The following AKAP6 variants were observed in gnomAD, a reference collection of about 807,000 sequenced individuals.
AKAP6 encodes the protein A-kinase anchor protein 6.
In AKAP6, 58 loss-of-function variants were observed where a neutral mutation model predicts 188.5. That is an observed-to-expected ratio of 0.31 (90% CI 0.25 to 0.38). The LOEUF (loss-of-function observed/expected upper bound fraction) is 0.38, where lower values mean the gene tolerates loss of function less well. AKAP6 is among the 10% of genes least tolerant of loss of function. The probability of loss-of-function intolerance (pLI) is 1.00; values close to 1 mark genes in which losing one functional copy is unlikely to be tolerated. For missense variants in AKAP6, 2,710 were observed against 2,740.0 expected, an observed-to-expected ratio of 0.99 and a Z score of 0.24; for synonymous variants, 989 against 998.6, an observed-to-expected ratio of 0.99 and a Z score of 0.18.
chr14:32,440,657 T>C (rs2138733855), intron 2 of AKAP6, among the ~76,000 whole-genome samples: 1 of 152,328 alleles, frequency 6.6e-6, no homozygotes, highest in Non-Finnish European at 1.5e-5. Flanking sequence ...TGTAATCTGG[T>C]GCTGTTTGTG....
At chr14:32,460,454 C>T (rs1363915649) in intron 2 of AKAP6, among the ~76,000 whole-genome samples, 4 of 152,172 alleles carry the variant, frequency 2.6e-5, no homozygotes, top group Non-Finnish European at 5.9e-5. Flanking sequence ...CAGGGTGGGG[C>T]GTTGCTTCAC....
intron 1 of AKAP6, among the ~76,000 whole-genome samples, chr14:32,378,903 TTC>T (rs914312415): frequency 2.8e-5 from 4 of 143,332 alleles, no homozygotes; most frequent in African/African-American, 1.0e-4. Flanking sequence ...TAGGATTCTT[TTC>T]TGTCTTTCTT....
chr14:32,336,085 T>C (rs1027913335), intron 1 of AKAP6, among the ~76,000 whole-genome samples: 6 of 152,132 alleles, frequency 3.9e-5, no homozygotes, highest in East Asian at 1.9e-4. Context: ...CTGGACCTTA[T>C]GGTGGGTGAA....
At chr14:32,691,157 C>T (rs1212556213) in intron 8 of AKAP6, among the ~76,000 whole-genome samples, 1 of 152,072 alleles carries the variant, frequency 6.6e-6, no homozygotes, top group Non-Finnish European at 1.5e-5. Flanking sequence ...AGATTATAAG[C>T]TACTCACCAC....
intron 12 of AKAP6, among the ~76,000 whole-genome samples, chr14:32,779,411 G>T (rs1232672934): frequency 6.7e-3 from 80 of 11,948 alleles, no homozygotes; most frequent in African/African-American, 0.017. Flanking sequence ...CTCTGTCTCA[G>T]GACCAAAAAA....
At chr14:32,688,289 AT>A (rs1315854031) in intron 8 of AKAP6, among the ~76,000 whole-genome samples, 2 of 152,150 alleles carry the variant, frequency 1.3e-5, no homozygotes, top group African/African-American at 2.4e-5. Flanking sequence ...AACAAATCTG[AT>A]TTATTTCATT....
chr14:32,800,363 T>C (rs2033914043), intron 12 of AKAP6, among the ~76,000 whole-genome samples: 1 of 151,524 alleles, frequency 6.6e-6, no homozygotes, highest in Non-Finnish European at 1.5e-5. Context: ...GATCCTACCA[T>C]TGCAGTCCAG....
At chr14:32,739,198 TC>T (rs748504655) in intron 11 of AKAP6, among the ~76,000 whole-genome samples, 17 of 129,706 alleles carry the variant, frequency 1.3e-4, no homozygotes, top group South Asian at 1.3e-3. Flanking sequence ...TATAGTATGA[TC>T]TGCTATTTAT....
chr14:32,337,728 C>G (rs1886756202), intron 1 of AKAP6, among the ~76,000 whole-genome samples: 2 of 142,680 alleles, frequency 1.4e-5, no homozygotes, highest in African/African-American at 5.1e-5. Context: ...CCCCCTCCCC[C>G]CACCCCACAA....
intron 2 of AKAP6, among the ~76,000 whole-genome samples, chr14:32,453,575 C>CTTTTTTTTTTTTTTTTTTTTTTTT (rs71115071): frequency 2.1e-5 from 2 of 95,356 alleles, no homozygotes; most frequent in South Asian, 4.4e-4. Flanking sequence ...TTTTTCTTTT[C>CTTTTTTTTTTTTTTTTTTTTTTTT]TTTTTTTTTT....
intron 13 of AKAP6, among the ~76,000 whole-genome samples, chr14:32,829,354 C>T (rs1458233649): frequency 6.6e-6 from 1 of 152,118 alleles, no homozygotes; most frequent in Non-Finnish European, 1.5e-5. Context: ...CACCACTATA[C>T]AATAGTGGAA....
At chr14:32,517,301 A>G (rs1205614085) in intron 2 of AKAP6, among the ~76,000 whole-genome samples, 2 of 152,252 alleles carry the variant, frequency 1.3e-5, no homozygotes, top group Non-Finnish European at 2.9e-5. Flanking sequence ...ATAGAATATC[A>G]TCATGCTGGA....
chr14:32,824,696 C>T lies in AKAP6; in HGVS notation c.6883C>T (p.Pro2295Ser), dbSNP rs780928456. The T allele has an allele frequency of 6.2e-7, 1 of 1,613,938 alleles. No homozygotes were observed. The highest frequency in any genetic ancestry group is 8.5e-7 in the Non-Finnish European group (1 of 1,179,912). Residue 2295 changes from proline (P) to serine (S), a missense_variant, in exon 13 of 14, where the codon CCC becomes TCC. Pro to Ser is a moderately conservative substitution (Grantham distance 74, BLOSUM62 -1). Transcript: ENST00000280979. ...GCCAACAGACAAGGCCGCATTGCAT[C>T]CCAGCCCCAAAACTTTAACCTGTGA... is the stretch of plus-strand genomic sequence containing the variant. Reference protein sequence around the residue: ...NQPTDKAALHPSPKTLTCEEN... With the variant: ...NQPTDKAALHSSPKTLTCEEN...
At chr14:32,559,651 T>TA (rs1267351506) in intron 4 of AKAP6, among the ~76,000 whole-genome samples, 1 of 152,030 alleles carries the variant, frequency 6.6e-6, no homozygotes, top group Non-Finnish European at 1.5e-5. Flanking sequence ...TGGGAAGCTT[T>TA]AAAAAAATAA....
chr14:32,469,521 GTAA>G (rs1878651016), intron 2 of AKAP6, among the ~76,000 whole-genome samples: 2 of 152,130 alleles, frequency 1.3e-5, no homozygotes, highest in Non-Finnish European at 2.9e-5. Context: ...GTAAGAAAGT[GTAA>G]TAATAACTAA....
intron 7 of AKAP6, among the ~76,000 whole-genome samples, chr14:32,675,125 A>C (rs1320291995): frequency 1.3e-5 from 2 of 152,160 alleles, no homozygotes; most frequent in Non-Finnish European, 2.9e-5. Flanking sequence ...TTGCTTGCTG[A>C]ATATCTCATT....
chr14:32,751,429 C>G (rs1368188142), intron 11 of AKAP6, among the ~76,000 whole-genome samples: 3 of 147,852 alleles, frequency 2.0e-5, no homozygotes, highest in African/African-American at 7.4e-5. Flanking sequence ...ATATGCTTCT[C>G]TTTTATGTGT....
chr14:32,385,476 G>A (rs768590219), intron 1 of AKAP6, among the ~76,000 whole-genome samples: 2 of 149,168 alleles, frequency 1.3e-5, no homozygotes, highest in Non-Finnish European at 3.0e-5. Context: ...AAGTTCTTTA[G>A]TGGTAATTTG....
rs538805335 is a variant in AKAP6 at position 32,364,136 on chromosome 14, G to C, written c.-35+34728G>C. 8.5e-5 allele frequency among the ~76,000 whole-genome samples: 13 copies of C among 152,308 alleles called. 1 individual carries two copies. The highest frequency in any genetic ancestry group is 8.5e-4 in the Admixed American group (13 of 15,306). ...TGCTTTACACTGGGGAGAGGATGTA[G>C]AGACAATGAATCTGGATTGCTTTTT... is the stretch of plus-strand genomic sequence containing the variant. On this transcript the variant is annotated intron_variant, in intron 1 of 13. Coordinates refer to ENST00000280979, the MANE Select transcript of AKAP6 (RefSeq NM_004274.5).
Sources: gnomAD v4.1 joint callset for allele counts (sites outside exome capture counted in the v4.1 genomes callset) on GRCh38, gnomAD v4.1.1 for gene constraint, MANE v1.5 for transcripts, NCBI Gene and HGNC (gene_info 2026-07-23, HGNC 2026-07-21) for gene names.